The following ASXL3 variants were observed in gnomAD, a reference collection of about 807,000 sequenced individuals.
The protein encoded by ASXL3 is putative Polycomb group protein ASXL3.
Under a neutral mutation model 170.6 loss-of-function variants are expected in ASXL3, and 34 were observed. The observed-to-expected ratio is 0.20, with a 90% CI of 0.15 to 0.27. The LOEUF (loss-of-function observed/expected upper bound fraction) is 0.27, where lower values mean the gene tolerates loss of function less well. Among genes scored for constraint, ASXL3 ranks in the 10% least tolerant of loss-of-function variants. The pLI is 1.00. For synonymous variants in ASXL3, 1,002 were observed against 989.1 expected (o/e 1.01, Z -0.24); for missense variants, 2,592 against 2,695.3 (o/e 0.96, Z 0.85).
intron 2 of ASXL3, among the ~76,000 whole-genome samples, chr18:33,637,392 T>C (rs2065783816): frequency 6.6e-6 from 1 of 152,076 alleles, no homozygotes; most frequent in Non-Finnish European, 1.5e-5. Context: ...TTGGTGAGTG[T>C]GCAAAAGGAG....
At chr18:33,621,548 C>G (rs919856362) in intron 2 of ASXL3, among the ~76,000 whole-genome samples, 2 of 152,082 alleles carry the variant, frequency 1.3e-5, no homozygotes, top group African/African-American at 4.8e-5. Flanking sequence ...AAATAGTGAT[C>G]TAAAATTTTT....
At position 33,739,410 on chromosome 18, in the gene ASXL3, A is replaced by T. The variant is rs760227353; in HGVS notation, c.2006A>T (p.Asp669Val). Residue 669 changes from aspartate (D) to valine (V), a missense_variant, in exon 11 of 12, where the codon GAT (aspartate) becomes GTT (valine). By Grantham distance (152) the Asp-to-Val change is radical. Around this residue, in one of 4 missense-constraint regions of ASXL3, gnomAD observed 2,246 missense variants for 2,219.6 expected, o/e 1.01. Coordinates refer to ENST00000269197, the MANE Select transcript of ASXL3 (RefSeq NM_030632.3). ...AAATACAACCAGAGAAATTCCACTG[A>T]TGAAAACTTTCATGCATCTTTGATG... ...TDKYNQRNST[D>V]ENFHASLMSE... 6.2e-6 allele frequency: 10 copies of T among 1,613,924 alleles called. No individual in the cohort carries two copies. Among genetic ancestry groups the T allele is most frequent in the Non-Finnish European group, 3.4e-6 (4 of 1,179,848 alleles).
chr18:33,656,053 C>T (rs2066079775), intron 4 of ASXL3, among the ~76,000 whole-genome samples: 1 of 151,968 alleles, frequency 6.6e-6, no homozygotes, highest in South Asian at 2.1e-4. Context: ...AGGGAAAGTA[C>T]TCAATAAAAG....
chr18:33,740,141 A>G lies in ASXL3; in HGVS notation c.2737A>G (p.Lys913Glu). 4.3e-6 allele frequency: 7 copies of G among 1,613,944 alleles called. No homozygotes were observed. The highest frequency in any genetic ancestry group is 2.2e-5 in the East Asian group (1 of 44,876). ...CAAGCAATATATCTCATCAGTGGAT[A>G]AGGCTCCATTTTCAGAAGGCTCTAG... is the stretch of plus-strand genomic sequence containing the variant. ...QDKQYISSVD[K>E]APFSEGSRNK... The change falls in exon 11 of 12, where the codon AAG becomes GAG. Residue 913 changes from lysine to glutamate, a missense_variant. Physicochemically the swap from Lys to Glu is moderately conservative, Grantham distance 56. Around this residue, in one of 4 missense-constraint regions of ASXL3, gnomAD observed 2,246 missense variants for 2,219.6 expected, o/e 1.01. Transcript: ENST00000269197.
chr18:33,714,891 C>T (rs1342096601), intron 8 of ASXL3, among the ~76,000 whole-genome samples: 1 of 152,174 alleles, frequency 6.6e-6, no homozygotes, highest in East Asian at 1.9e-4. Flanking sequence ...TTTCATACCC[C>T]TTGTCCACTT....
At chr18:33,598,665 A>C (rs1332260096) in intron 1 of ASXL3, among the ~76,000 whole-genome samples, 1 of 152,204 alleles carries the variant, frequency 6.6e-6, no homozygotes, top group East Asian at 1.9e-4. Flanking sequence ...AACTAGTGCA[A>C]GTTTCTTTCA....
chr18:33,615,894 A>G (rs1283370861), intron 2 of ASXL3, among the ~76,000 whole-genome samples: 7 of 152,142 alleles, frequency 4.6e-5, no homozygotes, highest in Non-Finnish European at 8.8e-5. Context: ...CCGTTTTTAT[A>G]TACATTTGGT....
chr18:33,582,484 A>G (rs910262039), intron 1 of ASXL3, among the ~76,000 whole-genome samples: 3 of 152,170 alleles, frequency 2.0e-5, no homozygotes, highest in African/African-American at 7.2e-5. Context: ...ACTTTGTTCT[A>G]TAGGGAATGC....
intron 5 of ASXL3, 134 bp downstream of exon 5, chr18:33,661,871 T>C: frequency 3.0e-6 from 3 of 1,010,242 alleles, no homozygotes; most frequent in Non-Finnish European, 4.1e-6. Flanking sequence ...ATCCATGATA[T>C]TCAGTTCAAT....
At chr18:33,692,896 GGCTTACAA>G (rs938374132) in intron 8 of ASXL3, among the ~76,000 whole-genome samples, 2 of 152,126 alleles carry the variant, frequency 1.3e-5, no homozygotes, top group African/African-American at 4.8e-5. Flanking sequence ...CAGCCCGGGT[GGCTTACAA>G]CAGAAGTTTA....
intron 4 of ASXL3, among the ~76,000 whole-genome samples, chr18:33,647,971 T>C (rs553508204): frequency 2.0e-5 from 3 of 151,982 alleles, no homozygotes; most frequent in South Asian, 4.1e-4. Context: ...TACAAAGGCA[T>C]TGAGGCAGGA....
chr18:33,719,494 T>C (rs546112234), intron 8 of ASXL3, among the ~76,000 whole-genome samples: 4 of 152,080 alleles, frequency 2.6e-5, no homozygotes, highest in Non-Finnish European at 5.9e-5. Flanking sequence ...AATGAATGCC[T>C]GCATGTTAAC....
chr18:33,738,676 T>C lies in ASXL3; in HGVS notation c.1272T>C (p.Pro424=). 1 of 1,613,968 alleles carries C rather than the reference T, an allele frequency of 6.2e-7. No individual in the cohort carries two copies. The change falls in exon 11 of 12, where the codon CCT becomes CCC. Residue 424 remains proline (P), a synonymous_variant. Transcript: ENST00000269197. ...PEPGFCATLC[P]MVEIPPKDIM... is the part of the protein sequence containing the mutation. ...CTGGTTTCTGTGCTACTCTTTGCCC[T>C]ATGGTAGAAATTCCACCTAAAGATA...
chr18:33,637,711 T>G (rs1310024977), intron 2 of ASXL3, among the ~76,000 whole-genome samples: 5 of 152,154 alleles, frequency 3.3e-5, no homozygotes, highest in Non-Finnish European at 7.3e-5. Flanking sequence ...AGGCTAAAAG[T>G]CCTGAAGAGC....
rs370336409 is a variant in ASXL3, at chr18:33,738,521, A to G, written c.1117A>G (p.Thr373Ala). The G allele has an allele frequency of 1.9e-6, 3 of 1,612,870 alleles. No individual in the cohort carries two copies. The highest frequency in any genetic ancestry group is 1.1e-5 in the South Asian group (1 of 90,930). ...GTCAAGAGAGGAATCTGTGAAGCTCACTACTGGACCAAACAACGCTGGAGC... is the reference window on the plus strand; with the variant it reads ...GTCAAGAGAGGAATCTGTGAAGCTCGCTACTGGACCAAACAACGCTGGAGC... The part of the protein sequence containing the change: ...GMSREESVKL[T>A]TGPNNAGAQS... Residue 373 changes from threonine to alanine, a missense_variant, in exon 11 of 12, where the codon ACT becomes GCT. Transcript: ENST00000269197.
At chr18:33,656,230 G>A (rs189231847) in intron 4 of ASXL3, among the ~76,000 whole-genome samples, 1 of 151,956 alleles carries the variant, frequency 6.6e-6, no homozygotes, top group African/African-American at 2.4e-5. Context: ...AATTACATTA[G>A]GAGGGAATAC....
At chr18:33,730,217 G>A (rs1392536502) in intron 8 of ASXL3, among the ~76,000 whole-genome samples, 9 of 151,976 alleles carry the variant, frequency 5.9e-5, no homozygotes, top group Non-Finnish European at 1.2e-4. Flanking sequence ...CCAAACATCC[G>A]ACATTACACA....
Position 33,737,235 on chromosome 18 carries a change from A to G in ASXL3, c.1083-1252A>G, listed in dbSNP as rs534536713. On this transcript the variant is annotated intron_variant, in intron 10 of 11. Coordinates refer to ENST00000269197, the MANE Select transcript of ASXL3 (RefSeq NM_030632.3). The stretch of plus-strand genomic sequence containing the variant: ...TTTAAATAAAGAAGGCTATGGCCAA[A>G]TACCCAAAAACTGTATTCAACATTA... 3.9e-5 allele frequency among the ~76,000 whole-genome samples: 6 copies of G among 152,316 alleles called. No homozygotes were observed. In the South Asian group the frequency reaches 6.2e-4, roughly 16 times the overall value.
chr18:33,623,127 C>A, intron 2 of ASXL3, among the ~76,000 whole-genome samples: 1 of 152,158 alleles, frequency 6.6e-6, no homozygotes, highest in African/African-American at 2.4e-5. Context: ...AGGCCTAATT[C>A]AAATGTCACA....
Sources: gnomAD v4.1 joint callset for allele counts (sites outside exome capture counted in the v4.1 genomes callset) on GRCh38, gnomAD v4.1.1 for gene constraint, gnomAD v4.1.1 regional missense constraint, MANE v1.5 for transcripts, NCBI Gene and HGNC (gene_info 2026-07-23, HGNC 2026-07-21) for gene names.